Variants in ENTPD6 observed in about 807,000 individuals in gnomAD.
ENTPD6 encodes CD39 antigen-like 2.
In ENTPD6, 46 loss-of-function variants were observed where a neutral mutation model predicts 61.5. The observed-to-expected ratio is 0.75, with a 90% confidence interval of 0.59 to 0.96. The LOEUF (loss-of-function observed/expected upper bound fraction) is 0.96, where lower values mean the gene tolerates loss of function less well. Ranked by LOEUF, ENTPD6 falls within the 40% of genes least tolerant of loss-of-function variation. The pLI, the probability that ENTPD6 is intolerant of heterozygous loss-of-function variation, is 0.00. For missense variants in ENTPD6, 612 were observed against 629.0 expected (o/e 0.97, Z 0.29); for synonymous variants, 252 against 255.5 (o/e 0.99, Z 0.13).
chr20:25,203,381 T>C (rs1487049293), intron 1 of ENTPD6, among the ~76,000 whole-genome samples: 1 of 152,238 alleles, frequency 6.6e-6, no homozygotes, highest in Admixed American at 6.5e-5. Context: ...TTCTCTCTTC[T>C]CTTTCTTAGA....
At chr20:25,198,805 C>T (rs1205505369) in intron 1 of ENTPD6, among the ~76,000 whole-genome samples, 2 of 152,152 alleles carry the variant, frequency 1.3e-5, no homozygotes, top group African/African-American at 4.8e-5. Context: ...TGTCACCTCT[C>T]ATAGGGTCCG....
intron 1 of ENTPD6, among the ~76,000 whole-genome samples, chr20:25,201,621 A>G (rs1321326050): frequency 1.3e-5 from 2 of 152,294 alleles, no homozygotes; most frequent in African/African-American, 4.8e-5. Context: ...ACTCTTTTCC[A>G]TTCTTTTACT....
chr20:25,221,414 T>C (rs750791897), intron 11 of ENTPD6, 81 bp downstream of exon 11: 24 of 1,066,770 alleles, frequency 2.2e-5, no homozygotes, highest in Non-Finnish European at 2.2e-5. Context: ...CCACATCCCA[T>C]GGGACGTTCC....
chr20:25,223,021 A>AGGGGGGGGGGGGGGGGG, intron 12 of ENTPD6, 43 bp downstream of exon 12: 1 of 488,188 alleles, frequency 2.0e-6, no homozygotes, highest in Non-Finnish European at 3.4e-6. Flanking sequence ...TCGGGGCGGC[A>AGGGGGGGGGGGGGGGGG]GGGGGCGGGG....
chr20:25,212,830 C>T (rs1445932328), intron 4 of ENTPD6, among the ~76,000 whole-genome samples: 1 of 152,126 alleles, frequency 6.6e-6, no homozygotes, highest in Non-Finnish European at 1.5e-5. Context: ...CTCAGCCTCC[C>T]GAGTAGCTGG....
At chr20:25,205,474 A>G (rs377484962) in intron 1 of ENTPD6, among the ~76,000 whole-genome samples, 6 of 152,096 alleles carry the variant, frequency 3.9e-5, no homozygotes, top group African/African-American at 1.4e-4. Context: ...CACTGTGGGC[A>G]AGGACGAAAG....
intron 4 of ENTPD6, among the ~76,000 whole-genome samples, chr20:25,211,158 C>T (rs1312803033): frequency 6.6e-6 from 1 of 152,202 alleles, no homozygotes; most frequent in East Asian, 1.9e-4. Flanking sequence ...TTGGTTCAAG[C>T]ATTTCTTAAG....
Position 25,206,590 on chromosome 20 carries a change from G to A in ENTPD6, c.54G>A (p.Gln18=), listed in dbSNP as rs1348168714. 4 of 1,611,238 alleles carry A rather than the reference G, an allele frequency of 2.5e-6. No homozygotes were observed. Among genetic ancestry groups the A allele is most frequent in the Non-Finnish European group, 3.4e-6 (4 of 1,177,334 alleles). Residue 18 remains glutamine, a splice_region_variant and synonymous_variant, in exon 2 of 15, where the codon CAG becomes CAA. Transcript: ENST00000376652. ...CCAGAAAAACGAGCTACATTTTTCA[G>A]GTTTGTCTGGGGCTCTCAGTAGTTG... ...ETSRKTSYIF[Q]QPQHGPWQTR... is the part of the protein sequence containing the mutation.
Position 25,212,963 on chromosome 20 carries a change from C to T in ENTPD6, c.454-300C>T, listed in dbSNP as rs550426956. ...CTTGTGATCCGCCTGCCTTGGCCTC[C>T]CAAAGTGCTGAGATTACAGGCGTAA... On this transcript the variant is annotated intron_variant, in intron 4 of 14. Transcript: ENST00000376652. Among the ~76,000 whole-genome samples the T allele has an allele frequency of 2.5e-3, 382 of 152,332 alleles. 1 individual carries two copies. The highest frequency in any genetic ancestry group is 0.02 in the Middle Eastern group (6 of 294).
At position 25,226,700 on chromosome 20, in the gene ENTPD6, A is replaced by G. The variant is rs1600704417; in HGVS notation, c.*1103A>G. 2 of 152,256 alleles carry G rather than the reference A, an allele frequency of 1.3e-5. No individual in the cohort carries two copies. The highest frequency in any genetic ancestry group is 1.3e-4 in the Admixed American group (2 of 15,306). 9.4% of individuals were successfully genotyped at this position (152,256 alleles called of 1,614,324 possible). Reference sequence around the variant, plus strand: ...AACCTCATGTGTTCCACTCCCAATAAAAGGTTGACAGGGGCTTCTCCTTCT... The same window carrying G: ...AACCTCATGTGTTCCACTCCCAATAGAAGGTTGACAGGGGCTTCTCCTTCT... On this transcript the variant is annotated 3_prime_UTR_variant, in exon 15 of 15. Coordinates refer to ENST00000376652, the MANE Select transcript of ENTPD6 (RefSeq NM_001247.5).
At position 25,221,157 on chromosome 20, in the gene ENTPD6, G is replaced by A. The variant is rs909892925; in HGVS notation, c.944-75G>A. 4.3e-5 allele frequency: 52 copies of A among 1,214,400 alleles called. 1 individual carries two copies. The highest frequency in any genetic ancestry group is 2.1e-4 in the Middle Eastern group (1 of 4,844). The allele number at this position is 1,214,400 out of a possible 1,614,324, so 75.2% of individuals were successfully genotyped here. A position where few individuals can be genotyped will look rare whatever the true frequency, so the allele number is the denominator to read the frequency against. ...CATCCTGTGTCAAGCCAGGGCCTCC[G>A]CGACTCCTAGCTCAGCCCTAGTCCA... On this transcript the variant is annotated intron_variant, in intron 10 of 14. Transcript: ENST00000376652.
chr20:25,225,158 C>T (rs1028020957), intron 13 of ENTPD6, 47 bp from the exon 14 acceptor site: 5 of 1,580,116 alleles, frequency 3.2e-6, no homozygotes, highest in Non-Finnish European at 4.3e-6. Context: ...CCCTCCGCCC[C>T]CAGGTGGGAG....
intron 1 of ENTPD6, among the ~76,000 whole-genome samples, chr20:25,202,933 C>T (rs1023616438): frequency 2.6e-5 from 4 of 152,156 alleles, no homozygotes; most frequent in African/African-American, 7.2e-5. Context: ...TTCAGGACTC[C>T]CTTTAGTAGT....
intron 4 of ENTPD6, among the ~76,000 whole-genome samples, chr20:25,210,570 G>A (rs1258690354): frequency 6.6e-6 from 1 of 152,138 alleles, no homozygotes; most frequent in African/African-American, 2.4e-5. Context: ...ACTTGGGCCT[G>A]GGAGGTCAAG....
intron 1 of ENTPD6, among the ~76,000 whole-genome samples, chr20:25,198,073 T>A (rs2090659341): frequency 1.3e-5 from 2 of 152,170 alleles, no homozygotes; most frequent in African/African-American, 2.4e-5. Flanking sequence ...AGGGTTTTTT[T>A]AAATGGGTAG....
chr20:25,195,786 G>T lies in ENTPD6; in HGVS notation c.-97G>T. ...GCCGGGGTGGCGCCGGCCGGGGCGG[G>T]GGAGCCCAAAAGACCGGCTGCCGCC... On this transcript the variant is annotated 5_prime_UTR_variant, in exon 1 of 15. Transcript: ENST00000376652. The T allele has an allele frequency of 8.5e-7, 1 of 1,177,012 alleles. No individual in the cohort carries two copies. 72.9% of individuals were successfully genotyped at this position (1,177,012 alleles called of 1,614,324 possible). A position where few individuals can be genotyped will look rare whatever the true frequency, so the allele number is the denominator to read the frequency against.
In ENTPD6 at chr20:25,207,262, G is replaced by T. The variant is rs771355768; in HGVS notation, c.241G>T (p.Ala81Ser). The T allele has an allele frequency of 3.1e-6, 5 of 1,613,538 alleles. No individual in the cohort carries two copies. The highest frequency in any genetic ancestry group is 1.3e-5 in the African/African-American group (1 of 74,918). The stretch of plus-strand genomic sequence containing the variant: ...CAGCATCACCAGGGCAGCCCCGGGG[G>T]CCCGGTGGGGTCAGCAGGCCCACAG... ...FFSITRAAPG[A>S]RWGQQAHSPL... is the part of the protein sequence containing the mutation. Residue 81 changes from alanine (A) to serine (S), a missense_variant, in exon 3 of 15, where the codon GCC becomes TCC. Ala to Ser is a moderately conservative substitution (Grantham distance 99). Coordinates refer to ENST00000376652, the MANE Select transcript of ENTPD6 (RefSeq NM_001247.5).
At position 25,221,683 on chromosome 20, in the gene ENTPD6, G is replaced by A. The variant is rs994180810; in HGVS notation, c.1045+350G>A. The A allele has an allele frequency of 4.6e-5, 17 of 369,552 alleles. 1 individual carries two copies. The highest frequency in any genetic ancestry group is 2.1e-4 in the African/African-American group (10 of 47,656). 22.9% of individuals were successfully genotyped at this position (369,552 alleles called of 1,614,324 possible). On this transcript the variant is annotated intron_variant, in intron 11 of 14. Transcript: ENST00000376652. ...CCAGGCACTCTGTGCTGTGCTGGGC[G>A]GGAATAGAGGGAGGGTCTGCTTCCA...
chr20:25,203,798 T>C (rs541710185), intron 1 of ENTPD6, among the ~76,000 whole-genome samples: 2 of 152,338 alleles, frequency 1.3e-5, no homozygotes, highest in South Asian at 2.1e-4. Flanking sequence ...TTTTCCTGTT[T>C]CTTTGTATGC....
Sources: gnomAD v4.1 joint callset for allele counts (sites outside exome capture counted in the v4.1 genomes callset) on GRCh38, gnomAD v4.1.1 for gene constraint, MANE v1.5 for transcripts, NCBI Gene and HGNC (gene_info 2026-07-23, HGNC 2026-07-21) for gene names.